The following CDYL variants were observed in gnomAD, a reference collection of about 807,000 sequenced individuals.
CDYL encodes the protein chromodomain Y like, also known as chromodomain Y-like protein.
CDYL carries 8 observed loss-of-function variants against 47.3 expected under a neutral mutation model. The ratio of observed to expected loss-of-function variants is 0.17; its 90% CI spans 0.10 to 0.31. The LOEUF is 0.31. Among genes scored for constraint, CDYL ranks in the 10% least tolerant of loss-of-function variants. CDYL has a pLI of 1.00. For missense variants in CDYL, 471 were observed against 701.4 expected, an observed-to-expected ratio of 0.67 and a Z score of 3.71; for synonymous variants, 266 against 265.0, an observed-to-expected ratio of 1.00 and a Z score of -0.04.
chr6:4,848,561 GGA>G (rs1760730351), intron 1 of CDYL, among the ~76,000 whole-genome samples: 2 of 152,226 alleles, frequency 1.3e-5, no homozygotes, highest in Non-Finnish European at 2.9e-5. Context: ...CTTCGACACA[GGA>G]GAGAGTCTGC....
At chr6:4,766,928 A>C (rs1561841605) in intron 3 of CDYL, among the ~76,000 whole-genome samples, 1 of 152,052 alleles carries the variant, frequency 6.6e-6, no homozygotes, top group Admixed American at 6.6e-5. Context: ...ACTTGAGCCC[A>C]GAAGGTTGAG....
intron 1 of CDYL, among the ~76,000 whole-genome samples, chr6:4,817,681 A>G (rs929327068): frequency 1.3e-5 from 2 of 152,112 alleles, no homozygotes; most frequent in African/African-American, 2.4e-5. Flanking sequence ...CTCATAATCA[A>G]TTAGCCACCG....
At chr6:4,857,220 C>T (rs1761036002) in intron 1 of CDYL, among the ~76,000 whole-genome samples, 1 of 152,170 alleles carries the variant, frequency 6.6e-6, no homozygotes, top group Non-Finnish European at 1.5e-5. Context: ...AATACATTCA[C>T]ACTGATAATC....
intron 5 of CDYL, among the ~76,000 whole-genome samples, chr6:4,944,222 G>A (rs1758446684): frequency 6.6e-6 from 1 of 152,248 alleles, no homozygotes; most frequent in Non-Finnish European, 1.5e-5. Flanking sequence ...TTATCAAGCA[G>A]TTATTCACAT....
chr6:4,953,333 G>A (rs984306180), intron 6 of CDYL, among the ~76,000 whole-genome samples: 1 of 151,684 alleles, frequency 6.6e-6, no homozygotes, highest in Non-Finnish European at 1.5e-5. Flanking sequence ...GCAGTGAGCG[G>A]AGATCCCGCC....
intron 1 of CDYL, among the ~76,000 whole-genome samples, chr6:4,855,477 C>G (rs375658132): frequency 7.7e-4 from 117 of 152,240 alleles, no homozygotes; most frequent in African/African-American, 2.6e-3. Flanking sequence ...AGTTTTTAAC[C>G]TATTTAAGCC....
At chr6:4,904,737 A>G (rs919168898) in intron 2 of CDYL, among the ~76,000 whole-genome samples, 1 of 152,156 alleles carries the variant, frequency 6.6e-6, no homozygotes, top group Admixed American at 6.5e-5. Flanking sequence ...GTTCTTATTT[A>G]TGTCTGTGCA....
At chr6:4,812,006 A>G (rs760942059) in intron 1 of CDYL, among the ~76,000 whole-genome samples, 4 of 152,122 alleles carry the variant, frequency 2.6e-5, no homozygotes, top group African/African-American at 4.8e-5. Context: ...AGCAGCATCA[A>G]GCTTGCTGGA....
intron 2 of CDYL, among the ~76,000 whole-genome samples, chr6:4,921,441 T>C (rs550886637): frequency 5.3e-5 from 8 of 152,322 alleles, no homozygotes; most frequent in South Asian, 2.1e-4. Context: ...AGAAGACATA[T>C]TGGGGAGTTA....
At chr6:4,936,078 G>A (rs1557031) in intron 3 of CDYL, among the ~76,000 whole-genome samples, 16,048 of 152,248 alleles carry the variant, frequency 0.11, 1,155 homozygotes, top group African/African-American at 0.21. Flanking sequence ...TTCATCTGGC[G>A]GGCACGGGGC....
At chr6:4,728,667 C>T (rs760355536) in intron 2 of CDYL, among the ~76,000 whole-genome samples, 3 of 152,036 alleles carry the variant, frequency 2.0e-5, no homozygotes, top group Non-Finnish European at 2.9e-5. Flanking sequence ...GGACACTTGT[C>T]GAGGAATTCC....
At chr6:4,754,133 T>A (rs1758039081) in intron 3 of CDYL, among the ~76,000 whole-genome samples, 1 of 152,174 alleles carries the variant, frequency 6.6e-6, no homozygotes, top group Non-Finnish European at 1.5e-5. Context: ...CGAGACCCTG[T>A]CTCTTAAGAA....
At chr6:4,761,968 A>G (rs1427661292) in intron 3 of CDYL, among the ~76,000 whole-genome samples, 1 of 152,194 alleles carries the variant, frequency 6.6e-6, no homozygotes, top group Non-Finnish European at 1.5e-5. Context: ...ACACTGAGCT[A>G]GGGTGGGGAA....
At chr6:4,761,507 C>T (rs936148312) in intron 3 of CDYL, among the ~76,000 whole-genome samples, 1 of 152,268 alleles carries the variant, frequency 6.6e-6, no homozygotes, top group East Asian at 1.9e-4. Context: ...CCACGCCCGG[C>T]TAATTTTTCT....
intron 1 of CDYL, among the ~76,000 whole-genome samples, chr6:4,818,961 C>T (rs1285265723): frequency 1.3e-5 from 2 of 152,184 alleles, no homozygotes; most frequent in South Asian, 4.1e-4. Context: ...GGTGCGGTGT[C>T]ACTGCTATCC....
At chr6:4,921,530 C>T (rs1757716881) in intron 2 of CDYL, among the ~76,000 whole-genome samples, 1 of 151,896 alleles carries the variant, frequency 6.6e-6, no homozygotes, top group South Asian at 2.1e-4. Context: ...CCTGGAAGAT[C>T]TTTCTCAGCC....
chr6:4,919,876 T>C (rs1757661913), intron 2 of CDYL, among the ~76,000 whole-genome samples: 1 of 152,172 alleles, frequency 6.6e-6, no homozygotes, highest in Admixed American at 6.5e-5. Flanking sequence ...CCCAAAGAAT[T>C]GAAAGCCGGG....
At chr6:4,916,196 C>T (rs1365593888) in intron 2 of CDYL, among the ~76,000 whole-genome samples, 5 of 152,232 alleles carry the variant, frequency 3.3e-5, no homozygotes, top group African/African-American at 9.6e-5. Flanking sequence ...GATCCTTAAC[C>T]TCGGTAAAAT....
exon 3 of CDYL, chr6:4,734,801 T>C (rs13196069): frequency 0.26 from 425,885 of 1,613,612 alleles, 57,572 homozygotes; most frequent in Admixed American, 0.35. Flanking sequence ...AGCATCTCCG[T>C]GAGCAGTGAG....
Sources: allele counts gnomAD v4.1 joint callset (sites outside exome capture counted in the v4.1 genomes callset), GRCh38; gene constraint gnomAD v4.1.1; transcripts MANE v1.5; gene names NCBI Gene and HGNC (gene_info 2026-07-23, HGNC 2026-07-21).